Variants in ZFHX3 observed in about 807,000 individuals in gnomAD.
The protein encoded by ZFHX3 is zinc finger homeobox protein 3.
ZFHX3 carries 42 observed loss-of-function variants against 279.1 expected under a neutral mutation model. That is an observed-to-expected ratio of 0.15 (90% CI 0.12 to 0.19). The LOEUF (loss-of-function observed/expected upper bound fraction) is 0.19, where lower values mean the gene tolerates loss of function less well. ZFHX3 is among the 10% of genes least tolerant of loss of function. ZFHX3 has a pLI of 1.00. For synonymous variants in ZFHX3, 2,293 were observed against 1,957.8 expected (o/e 1.17, Z -4.52); for missense variants, 4,981 against 4,754.0 (o/e 1.05, Z -1.40).
intron 4 of ZFHX3, among the ~76,000 whole-genome samples, chr16:72,870,201 G>A (rs1451650092): frequency 6.6e-6 from 1 of 151,812 alleles, no homozygotes; most frequent in African/African-American, 2.4e-5. Context: ...AGGCCAGCCT[G>A]GGCAATGTGG....
chr16:73,293,605 A>G (rs1202004349), intron 4 of ZFHX3, among the ~76,000 whole-genome samples: 1 of 152,224 alleles, frequency 6.6e-6, no homozygotes, highest in African/African-American at 2.4e-5. Flanking sequence ...AGGAGTGTGG[A>G]TTTTGAAGTT....
intron 7 of ZFHX3, chr16:73,127,353 A>T (rs1966586750): frequency 2.3e-6 from 3 of 1,305,028 alleles, no homozygotes; most frequent in South Asian, 2.5e-5. Context: ...GCCGATAAAA[A>T]GTCAATTCCA....
intron 7 of ZFHX3, among the ~76,000 whole-genome samples, chr16:72,805,351 C>T (rs2036231338): frequency 6.6e-6 from 1 of 152,156 alleles, no homozygotes; most frequent in African/African-American, 2.4e-5. Context: ...ACCGCCTTGG[C>T]ATTGCTCACT....
At chr16:73,309,975 C>T (rs900154453) in intron 4 of ZFHX3, among the ~76,000 whole-genome samples, 2 of 132,188 alleles carry the variant, frequency 1.5e-5, no homozygotes, top group Middle Eastern at 5.9e-3. Context: ...ATGGAGCAAT[C>T]TCCGCTCACT....
intron 5 of ZFHX3, among the ~76,000 whole-genome samples, chr16:73,145,246 C>T (rs1966857966): frequency 6.6e-6 from 1 of 152,196 alleles, no homozygotes. Context: ...GGCCAGCTTT[C>T]TCTCAAGCTG....
chr16:72,895,708 TAAC>T (rs2038883010), intron 3 of ZFHX3, among the ~76,000 whole-genome samples: 1 of 152,130 alleles, frequency 6.6e-6, no homozygotes, highest in African/African-American at 2.4e-5. Context: ...CCTGTAGTCT[TAAC>T]TACTTGGGAG....
chr16:73,616,118 G>C (rs562051821), intron 2 of ZFHX3, among the ~76,000 whole-genome samples: 6 of 151,804 alleles, frequency 4.0e-5, no homozygotes, highest in Non-Finnish European at 8.8e-5. Context: ...ACCACTCTGG[G>C]GCTCTCTGTT....
At chr16:73,711,797 GT>G (rs1266812961) in intron 1 of ZFHX3, among the ~76,000 whole-genome samples, 2 of 152,254 alleles carry the variant, frequency 1.3e-5, no homozygotes, top group Non-Finnish European at 2.9e-5. Context: ...CAGCTGGGCT[GT>G]TTTCCTGTTA....
intron 8 of ZFHX3, among the ~76,000 whole-genome samples, chr16:73,066,951 T>C (rs1311791360): frequency 6.6e-6 from 1 of 152,072 alleles, no homozygotes; most frequent in Non-Finnish European, 1.5e-5. Flanking sequence ...GCTGGACCCC[T>C]ATGTCCCCAG....
chr16:73,193,551 A>C (rs1447062426), intron 5 of ZFHX3, among the ~76,000 whole-genome samples: 4 of 152,152 alleles, frequency 2.6e-5, no homozygotes, highest in Non-Finnish European at 5.9e-5. Flanking sequence ...GACTGGAGTG[A>C]AGCAAGTTAA....
chr16:72,798,570 A>T lies in ZFHX3; in HGVS notation c.4112T>A (p.Phe1371Tyr). ...ICWKKGCNQV[F>Y]KTSAALQTHF... ...CGTCTGAAGGGCAGCAGAAGTTTTG[A>T]AAACCTGGTTGCACCCCTTCTTCCA... The change falls in exon 9 of 10, where the codon TTC becomes TAC. Residue 1371 changes from phenylalanine (F) to tyrosine (Y), a missense_variant. This residue lies in a region of ZFHX3 where 1,751 missense variants were observed against 1,770.0 expected (regional missense o/e 0.99). Coordinates refer to ENST00000268489, the MANE Select transcript of ZFHX3 (RefSeq NM_006885.4). 6.2e-7 allele frequency: 1 copy of T among 1,614,154 alleles called. No individual in the cohort carries two copies. Among genetic ancestry groups the T allele is most frequent in the Non-Finnish European group, 8.5e-7 (1 of 1,180,030 alleles).
chr16:73,422,568 C>A (rs2017737822), intron 3 of ZFHX3, among the ~76,000 whole-genome samples: 1 of 152,196 alleles, frequency 6.6e-6, no homozygotes, highest in Non-Finnish European at 1.5e-5. Context: ...ACTTTCCCTT[C>A]CAACTTCCCA....
rs2035359853 is a variant in ZFHX3 at position 72,786,158 on chromosome 16, TATC to T, written c.*1003_*1005del. On this transcript the variant is annotated 3_prime_UTR_variant, in exon 10 of 10. Coordinates refer to ENST00000268489, the MANE Select transcript of ZFHX3 (RefSeq NM_006885.4). ...TTAGGCGAATCAACGGATTGCAATC[TATC>T]ATCTGCTAGGAATGAACAAGACAAC... The T allele has an allele frequency of 6.6e-6, 1 of 151,924 alleles. No homozygotes were observed. Among genetic ancestry groups the T allele is most frequent in the Non-Finnish European group, 1.5e-5 (1 of 67,962 alleles). The allele number at this position is 151,924 out of a possible 1,614,324, so 9.4% of individuals were successfully genotyped here.
intron 5 of ZFHX3, among the ~76,000 whole-genome samples, chr16:73,245,626 G>A (rs1439659472): frequency 6.6e-6 from 1 of 152,192 alleles, no homozygotes; most frequent in Admixed American, 6.5e-5. Flanking sequence ...CAAAGACGTA[G>A]GGCTCCTTCT....
chr16:73,590,155 C>T (rs939699461), intron 2 of ZFHX3, among the ~76,000 whole-genome samples: 1 of 152,168 alleles, frequency 6.6e-6, no homozygotes, highest in African/African-American at 2.4e-5. Flanking sequence ...TGAGTAAAAA[C>T]CTGCAGCCCT....
chr16:73,650,190 T>C (rs1375686527), intron 2 of ZFHX3, among the ~76,000 whole-genome samples: 1 of 152,126 alleles, frequency 6.6e-6, no homozygotes, highest in South Asian at 2.1e-4. Context: ...ACCTGAATCA[T>C]GGTTCAAATA....
At chr16:73,566,026 C>T (rs1368858456) in intron 2 of ZFHX3, among the ~76,000 whole-genome samples, 1 of 152,222 alleles carries the variant, frequency 6.6e-6, no homozygotes, top group Non-Finnish European at 1.5e-5. Context: ...TAGAAGACCC[C>T]TGGTCTAAGC....
In ZFHX3 at chr16:73,012,582, C is replaced by A. The variant is rs560873075; in HGVS notation, c.-50+35170G>T. On this transcript the variant is annotated intron_variant, in intron 1 of 9. Coordinates refer to ENST00000268489, the MANE Select transcript of ZFHX3 (RefSeq NM_006885.4). Reference sequence around the variant, plus strand: ...ACTACAGCAGCAACCGGCCTTCATCCTCCAAGTCCTCCTTGGAATTTGGGT... The same window carrying A: ...ACTACAGCAGCAACCGGCCTTCATCATCCAAGTCCTCCTTGGAATTTGGGT... Among the ~76,000 whole-genome samples the A allele has an allele frequency of 3.9e-4, 59 of 152,330 alleles. 1 individual carries two copies. Among genetic ancestry groups the A allele is most frequent in the Admixed American group, 2.7e-3 (42 of 15,298 alleles).
intron 1 of ZFHX3, among the ~76,000 whole-genome samples, chr16:72,998,110 A>T (rs1332790325): frequency 1.3e-5 from 2 of 151,980 alleles, no homozygotes; most frequent in African/African-American, 2.4e-5. Context: ...AAACAAAAAA[A>T]TAATTCAAGG....
Sources: allele counts gnomAD v4.1 joint callset (sites outside exome capture counted in the v4.1 genomes callset), GRCh38; gene constraint gnomAD v4.1.1; regional missense constraint gnomAD v4.1.1; transcripts MANE v1.5; gene names NCBI Gene and HGNC (gene_info 2026-07-23, HGNC 2026-07-21).